LRRC69: variants seen among roughly 807,000 people sequenced by gnomAD.
The protein encoded by LRRC69 is leucine rich repeat containing 69.
In LRRC69, 42 loss-of-function variants were observed where a neutral mutation model predicts 37.8. That is an observed-to-expected ratio of 1.11 (90% CI 0.87 to 1.44). The LOEUF is 1.44. Ranked by LOEUF, LRRC69 falls within the 40% of genes most tolerant of loss-of-function variation. The pLI is 0.00. For missense variants in LRRC69, 357 were observed against 401.9 expected (o/e 0.89, Z 0.96); for synonymous variants, 141 against 143.1 (o/e 0.99, Z 0.11).
At chr8:91,107,634 T>C (rs1320234166) in intron 1 of LRRC69, among the ~76,000 whole-genome samples, 6 of 152,048 alleles carry the variant, frequency 3.9e-5, no homozygotes, top group Non-Finnish European at 8.8e-5. Context: ...GTTACCATTA[T>C]GATATGACTA....
chr8:91,143,018 A>G (rs373782826), intron 5 of LRRC69, among the ~76,000 whole-genome samples: 5 of 152,094 alleles, frequency 3.3e-5, no homozygotes, highest in East Asian at 3.9e-4. Context: ...AGGAATGCCT[A>G]TATAGTTGGA....
At chr8:91,103,739 G>T (rs1443977397) in intron 1 of LRRC69, among the ~76,000 whole-genome samples, 1 of 151,610 alleles carries the variant, frequency 6.6e-6, no homozygotes, top group Non-Finnish European at 1.5e-5. Flanking sequence ...TAAGAAATAG[G>T]GTAACTTTTA....
chr8:91,167,362 C>T (rs757052381), intron 5 of LRRC69, among the ~76,000 whole-genome samples: 1 of 151,590 alleles, frequency 6.6e-6, no homozygotes, highest in Non-Finnish European at 1.5e-5. Flanking sequence ...TCTAGTGAGA[C>T]TTATTCACTA....
chr8:91,155,240 A>AG (rs1413675719), intron 5 of LRRC69, among the ~76,000 whole-genome samples: 1 of 150,816 alleles, frequency 6.6e-6, no homozygotes, highest in African/African-American at 2.4e-5. Context: ...ATTAAAAAAA[A>AG]TTATTGTGTG....
At chr8:91,105,585 C>T (rs937852995) in intron 1 of LRRC69, among the ~76,000 whole-genome samples, 30 of 147,314 alleles carry the variant, frequency 2.0e-4, no homozygotes, top group African/African-American at 6.6e-4. Context: ...TGCCTGAGCC[C>T]GGAATGTGGG....
intron 3 of LRRC69, among the ~76,000 whole-genome samples, chr8:91,132,724 G>A (rs1056018717): frequency 6.6e-6 from 1 of 151,944 alleles, no homozygotes; most frequent in Admixed American, 6.6e-5. Flanking sequence ...GTATATTTAT[G>A]TCTATGTATG....
intron 5 of LRRC69, among the ~76,000 whole-genome samples, chr8:91,166,516 A>C (rs1054412542): frequency 1.8e-4 from 26 of 145,186 alleles, no homozygotes; most frequent in Admixed American, 7.0e-4. Context: ...AAAAAAAAAA[A>C]CCTATGAATA....
At position 91,140,639 on chromosome 8, in the gene LRRC69, A is replaced by ATTTTTTT. The variant is rs71266165; in HGVS notation, c.651+4926_651+4932dup. Among the ~76,000 whole-genome samples, 20 of 23,250 alleles carry ATTTTTTT rather than the reference A, an allele frequency of 8.6e-4. 2 individuals are homozygous for ATTTTTTT. Among genetic ancestry groups the ATTTTTTT allele is most frequent in the African/African-American group, 2.5e-3 (11 of 4,324 alleles). The allele number at this position is 23,250 out of a possible 152,430, so 15.3% of individuals were successfully genotyped here. ...TTAAATGAATATTCTTCAATATGTG[A>ATTTTTTT]TTTTTTTTTTTTTTTTTTTTTTTTT... On this transcript the variant is annotated intron_variant, in intron 5 of 7. Transcript: ENST00000448384.
At chr8:91,194,728 T>G (rs991566854) in intron 6 of LRRC69, among the ~76,000 whole-genome samples, 3 of 152,138 alleles carry the variant, frequency 2.0e-5, no homozygotes, top group Non-Finnish European at 2.9e-5. Context: ...TCTATTTGAT[T>G]CTTCTTTTTT....
At chr8:91,119,103 C>G (rs566888003) in intron 1 of LRRC69, among the ~76,000 whole-genome samples, 1 of 152,000 alleles carries the variant, frequency 6.6e-6, no homozygotes, top group African/African-American at 2.4e-5. Context: ...TCTTGTGTGT[C>G]TTGTTCACTC....
rs539132459 is a variant in LRRC69, at chr8:91,208,135, T to C, written c.933+7343T>C. 7.9e-5 allele frequency among the ~76,000 whole-genome samples: 12 copies of C among 152,298 alleles called. 1 individual carries two copies. The highest frequency in any genetic ancestry group is 7.8e-4 in the Admixed American group (12 of 15,290). ...AACCTAAGTAACACTTTAAAGACCC[T>C]ATCTCCAAATACAGTGACATTCGGA... On this transcript the variant is annotated intron_variant, in intron 7 of 7. Transcript: ENST00000448384.
intron 1 of LRRC69, among the ~76,000 whole-genome samples, chr8:91,104,438 G>A (rs1387650918): frequency 1.3e-5 from 2 of 151,918 alleles, no homozygotes; most frequent in Non-Finnish European, 2.9e-5. Context: ...TTCACATGGA[G>A]TCAATTAATC....
chr8:91,133,311 C>G lies in LRRC69; in HGVS notation c.579+6C>G. The stretch of plus-strand genomic sequence containing the variant: ...ACATTGGAGTTTTGCCGGAGGTAAG[C>G]AAAACATGGAACCACAGTAGTTTGC... On this transcript the variant is annotated splice_donor_region_variant and intron_variant, in intron 4 of 7. Transcript: ENST00000448384. 6.7e-7 allele frequency: 1 copy of G among 1,496,258 alleles called. No individual in the cohort carries two copies. The highest frequency in any genetic ancestry group is 8.9e-7 in the Non-Finnish European group (1 of 1,129,516). The allele number at this position is 1,496,258 out of a possible 1,614,324, so 92.7% of individuals were successfully genotyped here. A position where few individuals can be genotyped will look rare whatever the true frequency, so the allele number is the denominator to read the frequency against.
At chr8:91,158,740 C>A in intron 5 of LRRC69, 1 of 926,402 alleles carries the variant, frequency 1.1e-6, no homozygotes, top group Non-Finnish European at 1.8e-6. Context: ...AATGAAGACA[C>A]CAAGTCTGGC....
chr8:91,114,555 G>A (rs868478810), intron 1 of LRRC69, among the ~76,000 whole-genome samples: 10 of 151,850 alleles, frequency 6.6e-5, no homozygotes, highest in Middle Eastern at 6.8e-3. Flanking sequence ...AAGATTATAC[G>A]GTATTCTTAC....
At chr8:91,156,732 G>T (rs1808842313) in intron 5 of LRRC69, among the ~76,000 whole-genome samples, 1 of 150,780 alleles carries the variant, frequency 6.6e-6, no homozygotes, top group Admixed American at 6.6e-5. Context: ...ATGTTTTCTT[G>T]TAGCAATTCT....
intron 5 of LRRC69, among the ~76,000 whole-genome samples, chr8:91,152,728 A>G (rs769010123): frequency 4.6e-5 from 7 of 151,390 alleles, no homozygotes; most frequent in Non-Finnish European, 1.0e-4. Context: ...CATTATGGCC[A>G]TTTTCACAAT....
intron 5 of LRRC69, among the ~76,000 whole-genome samples, chr8:91,146,818 C>T (rs765414812): frequency 4.6e-5 from 7 of 151,766 alleles, no homozygotes; most frequent in Non-Finnish European, 4.4e-5. Flanking sequence ...TTAGCCCTCC[C>T]TCCATGTCCC....
At chr8:91,118,228 G>T (rs540622979) in intron 1 of LRRC69, 1 of 455,312 alleles carries the variant, frequency 2.2e-6, no homozygotes, top group Non-Finnish European at 4.4e-6. Context: ...TTCTAGGCCG[G>T]GTGCGGTGGC....
Sources: gnomAD v4.1 joint callset for allele counts (sites outside exome capture counted in the v4.1 genomes callset) on GRCh38, gnomAD v4.1.1 for gene constraint, MANE v1.5 for transcripts, NCBI Gene and HGNC (gene_info 2026-07-23, HGNC 2026-07-21) for gene names.